The following ARHGAP31 variants were observed in gnomAD, a reference collection of about 807,000 sequenced individuals.
ARHGAP31 encodes Rho GTPase activating protein 31.
Under a neutral mutation model 113.9 loss-of-function variants are expected in ARHGAP31, and 34 were observed. The ratio of observed to expected loss-of-function variants is 0.30; its 90% CI spans 0.23 to 0.40. The LOEUF (loss-of-function observed/expected upper bound fraction) is 0.40. ARHGAP31 is among the 10% of genes least tolerant of loss of function. The probability of loss-of-function intolerance (pLI) is 1.00; values close to 1 mark genes in which losing one functional copy is unlikely to be tolerated. For missense variants in ARHGAP31, 1,548 were observed against 1,767.1 expected, an observed-to-expected ratio of 0.88 and a Z score of 2.22; for synonymous variants, 650 against 684.8, an observed-to-expected ratio of 0.95 and a Z score of 0.79.
Position 119,409,477 on chromosome 3 carries a change from A to T in ARHGAP31, c.1646-19A>T, listed in dbSNP as rs1354516357. ...GAAATGAAGTCTCCTTTAACTGATA[A>T]CTCTCATTTTCACTGCAGCTTCTGT... On this transcript the variant is annotated intron_variant, in intron 10 of 11. Coordinates refer to ENST00000264245, the MANE Select transcript of ARHGAP31 (RefSeq NM_020754.4). 1.2e-6 allele frequency: 2 copies of T among 1,613,730 alleles called. No homozygotes were observed. Among genetic ancestry groups the T allele is most frequent in the Admixed American group, 1.7e-5 (1 of 59,992 alleles).
intron 1 of ARHGAP31, among the ~76,000 whole-genome samples, chr3:119,359,545 G>A (rs1339693727): frequency 6.6e-6 from 1 of 151,828 alleles, no homozygotes; most frequent in Non-Finnish European, 1.5e-5. Flanking sequence ...GAAGAAAAGA[G>A]TAGAAAGAAG....
intron 8 of ARHGAP31, among the ~76,000 whole-genome samples, chr3:119,393,834 AT>A (rs2080525224): frequency 6.6e-6 from 1 of 152,344 alleles, no homozygotes; most frequent in South Asian, 2.1e-4. Context: ...TATATAAGTT[AT>A]CAAAGCCAAA....
Position 119,399,179 on chromosome 3 carries a change from A to G in ARHGAP31, c.1007-20A>G, listed in dbSNP as rs1319262044. The G allele has an allele frequency of 9.3e-6, 15 of 1,609,414 alleles. No homozygotes were observed. Among genetic ancestry groups the G allele is most frequent in the Non-Finnish European group, 1.3e-5 (15 of 1,175,986 alleles). On this transcript the variant is annotated intron_variant, in intron 8 of 11. Transcript: ENST00000264245. ...CTGTTAATATGCATTCATCAAGGAT[A>G]TTTTTTCTTTTGTCTTTAGTGGAAA...
At chr3:119,320,276 G>T (rs538780189) in intron 1 of ARHGAP31, among the ~76,000 whole-genome samples, 1 of 152,192 alleles carries the variant, frequency 6.6e-6, no homozygotes, top group East Asian at 1.9e-4. Flanking sequence ...AGATCTCCAG[G>T]GATACAGGGC....
intron 1 of ARHGAP31, among the ~76,000 whole-genome samples, chr3:119,311,126 TC>T (rs1333917592): frequency 1.3e-5 from 2 of 152,198 alleles, no homozygotes; most frequent in Non-Finnish European, 2.9e-5. Context: ...TCGTCTCCGT[TC>T]CCAGTGTTTC....
chr3:119,333,679 A>C (rs1156344994), intron 1 of ARHGAP31, among the ~76,000 whole-genome samples: 3 of 152,170 alleles, frequency 2.0e-5, no homozygotes, highest in Non-Finnish European at 4.4e-5. Flanking sequence ...AGGGAGGTGA[A>C]GTGACTTACC....
chr3:119,325,909 G>A lies in ARHGAP31; in HGVS notation c.100+30905G>A, dbSNP rs143229008. Among the ~76,000 whole-genome samples, 1,499 of 152,258 alleles carry A rather than the reference G, an allele frequency of 9.8e-3. 23 individuals carry two copies. Among genetic ancestry groups the A allele is most frequent in the African/African-American group, 0.035 (1,440 of 41,532 alleles). ...ATTGGTATTTTTAAAAGCTTCCCAG[G>A]GCTGGGCACGGTGGCTCACGCCTGT... On this transcript the variant is annotated intron_variant, in intron 1 of 11. Coordinates refer to ENST00000264245, the MANE Select transcript of ARHGAP31 (RefSeq NM_020754.4).
chr3:119,312,604 A>G (rs1330349609), intron 1 of ARHGAP31, among the ~76,000 whole-genome samples: 1 of 152,262 alleles, frequency 6.6e-6, no homozygotes, highest in Admixed American at 6.5e-5. Context: ...ATAAAATAAA[A>G]TAACAAAAGC....
At chr3:119,401,543 C>CT (rs1559993578) in intron 9 of ARHGAP31, among the ~76,000 whole-genome samples, 1 of 152,100 alleles carries the variant, frequency 6.6e-6, no homozygotes, top group Admixed American at 6.5e-5. Flanking sequence ...TAGCAGTAAT[C>CT]TTTTTTTGAA....
At position 119,294,888 on chromosome 3, in the gene ARHGAP31, C is replaced by G; in HGVS notation, c.-17C>G. The G allele has an allele frequency of 6.2e-7, 1 of 1,612,870 alleles. No homozygotes were observed. The highest frequency in any genetic ancestry group is 8.5e-7 in the Non-Finnish European group (1 of 1,179,080). On this transcript the variant is annotated 5_prime_UTR_variant, in exon 1 of 12. Coordinates refer to ENST00000264245, the MANE Select transcript of ARHGAP31 (RefSeq NM_020754.4). ...GGGGCGGCAGAGACGGAGGGGCAGC[C>G]TCTTTGGGACTAACTCATGAAGAAC...
At chr3:119,362,493 C>T (rs970000092) in intron 1 of ARHGAP31, among the ~76,000 whole-genome samples, 4 of 152,146 alleles carry the variant, frequency 2.6e-5, no homozygotes, top group African/African-American at 7.2e-5. Flanking sequence ...TGAGGCTGGG[C>T]GAGGTGGCTC....
chr3:119,324,471 GAAAAATA>G (rs1437569950), intron 1 of ARHGAP31, among the ~76,000 whole-genome samples: 1 of 152,126 alleles, frequency 6.6e-6, no homozygotes, highest in Non-Finnish European at 1.5e-5. Context: ...TCCTCTCTCA[GAAAAATA>G]AAAAATTAGC....
rs531308064 is a variant in ARHGAP31 at position 119,316,569 on chromosome 3, G to A, written c.100+21565G>A. Among the ~76,000 whole-genome samples, 8 of 152,362 alleles carry A rather than the reference G, an allele frequency of 5.3e-5. No homozygotes were observed. In the East Asian group the frequency reaches 1.5e-3, roughly 29 times the overall value. On this transcript the variant is annotated intron_variant, in intron 1 of 11. Transcript: ENST00000264245. ...TCTCTCTGAAACCCTGAGCTGGAGT[G>A]AGCTTGAGTTGGGGGCTGTTGGTGA... is the stretch of plus-strand genomic sequence containing the variant.
chr3:119,406,650 A>G (rs72968480), intron 10 of ARHGAP31, among the ~76,000 whole-genome samples: 2,776 of 152,218 alleles, frequency 0.018, 73 homozygotes, highest in African/African-American at 0.062. Flanking sequence ...CACCTATCTC[A>G]GATGTCTGCC....
intron 1 of ARHGAP31, among the ~76,000 whole-genome samples, chr3:119,302,951 C>T (rs967476309): frequency 6.6e-6 from 1 of 152,214 alleles, no homozygotes; most frequent in Non-Finnish European, 1.5e-5. Flanking sequence ...AACCTACCAG[C>T]TTTGAAGCCC....
At chr3:119,413,835 C>A in intron 11 of ARHGAP31, 21 bp from the exon 12 acceptor site, 2 of 1,614,144 alleles carry the variant, frequency 1.2e-6, no homozygotes, top group Non-Finnish European at 1.7e-6. Flanking sequence ...CTAAGACAAT[C>A]AGTTTATTGA....
chr3:119,402,453 A>C, intron 10 of ARHGAP31, 56 bp downstream of exon 10: 2 of 1,573,430 alleles, frequency 1.3e-6, no homozygotes, highest in South Asian at 1.1e-5. Flanking sequence ...CCAGACTTAA[A>C]TTTGCTTGAG....
chr3:119,401,717 C>A, intron 9 of ARHGAP31, 105 bp from the exon 10 acceptor site: 1 of 1,054,724 alleles, frequency 9.5e-7, no homozygotes, highest in Non-Finnish European at 1.4e-6. Context: ...TGTTAGAATG[C>A]TGTGCCTCTC....
intron 8 of ARHGAP31, among the ~76,000 whole-genome samples, chr3:119,397,920 A>G (rs2080566467): frequency 6.6e-6 from 1 of 152,360 alleles, no homozygotes; most frequent in African/African-American, 2.4e-5. Context: ...GCAGATTAGT[A>G]CAATATAATT....
Sources: gnomAD v4.1 joint callset for allele counts (sites outside exome capture counted in the v4.1 genomes callset) on GRCh38, gnomAD v4.1.1 for gene constraint, MANE v1.5 for transcripts, NCBI Gene and HGNC (gene_info 2026-07-23, HGNC 2026-07-21) for gene names.